Variants in GAREM1 observed in about 807,000 individuals in gnomAD.
GAREM1 encodes GRB2-associated and regulator of MAPK protein 1.
In GAREM1, 26 loss-of-function variants were observed where a neutral mutation model predicts 71.3. That is an observed-to-expected ratio of 0.36 (90% CI 0.27 to 0.51). The LOEUF is 0.51. GAREM1 is among the 20% of genes least tolerant of loss of function. GAREM1 has a pLI of 0.95. For synonymous variants in GAREM1, 440 were observed against 433.2 expected (o/e 1.02, Z -0.20); for missense variants, 1,026 against 1,103.1 (o/e 0.93, Z 0.99).
intron 2 of GAREM1, among the ~76,000 whole-genome samples, chr18:32,361,485 T>G (rs961473513): frequency 1.3e-5 from 2 of 152,232 alleles, no homozygotes; most frequent in Non-Finnish European, 2.9e-5. Context: ...CTGGATCTTA[T>G]TAACAATTTA....
chr18:32,275,125 ACCACCACCAACT>A (rs1018049318), intron 4 of GAREM1, among the ~76,000 whole-genome samples: 1 of 152,166 alleles, frequency 6.6e-6, no homozygotes, highest in African/African-American at 2.4e-5. Context: ...GCCACATATG[ACCACCACCAACT>A]CTACCACCAC....
intron 1 of GAREM1, among the ~76,000 whole-genome samples, chr18:32,416,292 A>G (rs1355937577): frequency 2.0e-5 from 3 of 152,132 alleles, no homozygotes; most frequent in Non-Finnish European, 4.4e-5. Context: ...TGCCCATATT[A>G]CTCAAAGCAA....
rs140841598 is a variant in GAREM1 at position 32,379,011 on chromosome 18, G to T, written c.262+13884C>A. 2.6e-5 allele frequency among the ~76,000 whole-genome samples: 4 copies of T among 152,248 alleles called. No homozygotes were observed. The South Asian group carries it at 8.3e-4, about 32-fold the overall frequency. Reference sequence around the variant, plus strand: ...CCTGGCCTCCTGAGGCAGGCTGTACGTTGAGTGCTTAGCTCTCCAACTGGG... The same window carrying T: ...CCTGGCCTCCTGAGGCAGGCTGTACTTTGAGTGCTTAGCTCTCCAACTGGG... On this transcript the variant is annotated intron_variant, in intron 2 of 5. Transcript: ENST00000269209.
At chr18:32,348,561 T>C (rs1285857907) in intron 2 of GAREM1, among the ~76,000 whole-genome samples, 2 of 152,062 alleles carry the variant, frequency 1.3e-5, no homozygotes, top group Non-Finnish European at 2.9e-5. Context: ...CCATCTCTAC[T>C]AAAAATACGA....
chr18:32,392,203 G>GT lies in GAREM1; in HGVS notation c.262+691dup, dbSNP rs35687173. ...CCGGAAAAAGCATATGGTAACATAA[G>GT]TTTTTTTTTTTAATGGCATTTATAA... On this transcript the variant is annotated intron_variant, in intron 2 of 5. Coordinates refer to ENST00000269209, the MANE Select transcript of GAREM1 (RefSeq NM_001242409.2). 9.8e-3 allele frequency among the ~76,000 whole-genome samples: 1,441 copies of GT among 146,902 alleles called. 14 individuals carry two copies. Among genetic ancestry groups the GT allele is most frequent in the African/African-American group, 0.03 (1,218 of 40,448 alleles).
intron 1 of GAREM1, among the ~76,000 whole-genome samples, chr18:32,455,372 GAC>G (rs1330628033): frequency 6.6e-6 from 1 of 152,124 alleles, no homozygotes; most frequent in African/African-American, 2.4e-5. Flanking sequence ...CAAAGAAAGA[GAC>G]ACACATACAT....
chr18:32,314,127 C>T (rs906682546), intron 2 of GAREM1, among the ~76,000 whole-genome samples: 12 of 147,882 alleles, frequency 8.1e-5, no homozygotes, highest in African/African-American at 2.8e-4. Context: ...TTCAAAATAA[C>T]ACTTATTTAA....
chr18:32,444,831 G>A (rs2048771525), intron 1 of GAREM1, among the ~76,000 whole-genome samples: 2 of 152,278 alleles, frequency 1.3e-5, no homozygotes, highest in African/African-American at 2.4e-5. Flanking sequence ...CCTAAGGCAC[G>A]AACATTTAAG....
At chr18:32,268,839 T>C (rs181736869) in intron 5 of GAREM1, 71 bp from the exon 6 acceptor site, 1,657 of 1,292,234 alleles carry the variant, frequency 1.3e-3, no homozygotes, top group Non-Finnish European at 1.5e-3. Context: ...TTGTTATTTA[T>C]AGACGTTACT....
intron 1 of GAREM1, among the ~76,000 whole-genome samples, chr18:32,413,779 A>G (rs982787889): frequency 3.9e-5 from 6 of 152,154 alleles, no homozygotes; most frequent in East Asian, 3.8e-4. Context: ...AGGAAAAAAA[A>G]CCCACCAAAA....
chr18:32,414,602 A>T (rs1194380857), intron 1 of GAREM1, among the ~76,000 whole-genome samples: 2 of 152,122 alleles, frequency 1.3e-5, no homozygotes, highest in African/African-American at 2.4e-5. Flanking sequence ...AAATGAAACA[A>T]CATGCTCCTG....
At chr18:32,443,453 C>T (rs959577397) in intron 1 of GAREM1, among the ~76,000 whole-genome samples, 1 of 152,014 alleles carries the variant, frequency 6.6e-6, no homozygotes, top group African/African-American at 2.4e-5. Context: ...TGAAAAGTAA[C>T]CCAATTTAAA....
chr18:32,314,851 T>C (rs551948449), intron 2 of GAREM1, among the ~76,000 whole-genome samples: 5 of 152,226 alleles, frequency 3.3e-5, no homozygotes, highest in South Asian at 4.1e-4. Context: ...CCTCCCAAAG[T>C]GCTGGGATTA....
chr18:32,277,450 A>G (rs887259774), intron 4 of GAREM1, among the ~76,000 whole-genome samples: 1 of 152,206 alleles, frequency 6.6e-6, no homozygotes, highest in Non-Finnish European at 1.5e-5. Context: ...ATAAAGCTAG[A>G]AAAATAAATT....
intron 2 of GAREM1, among the ~76,000 whole-genome samples, chr18:32,333,483 G>A (rs1420897010): frequency 2.6e-5 from 4 of 152,152 alleles, no homozygotes; most frequent in Middle Eastern, 3.2e-3. Flanking sequence ...AAGTTTCAAG[G>A]GCAAGTGCCA....
At chr18:32,270,072 C>G (rs1234825004) in intron 5 of GAREM1, 145 bp downstream of exon 5, 1 of 877,880 alleles carries the variant, frequency 1.1e-6, no homozygotes, top group Non-Finnish European at 1.8e-6. Context: ...ATCATGCTCA[C>G]TCAGTAAAAT....
At position 32,267,932 on chromosome 18, in the gene GAREM1, A is replaced by C. The variant is rs768448120; in HGVS notation, c.2570T>G (p.Leu857Trp). 1 of 1,613,984 alleles carries C rather than the reference A, an allele frequency of 6.2e-7. No homozygotes were observed. The highest frequency in any genetic ancestry group is 1.7e-5 in the Admixed American group (1 of 60,012). Residue 857 changes from leucine (L) to tryptophan (W), a missense_variant, in exon 6 of 6, where the codon TTG becomes TGG. Physicochemically the swap from Leu to Trp is moderately conservative, Grantham distance 61. This residue lies in a region of GAREM1 where 636 missense variants were observed against 631.2 expected (regional missense o/e 1.01). Coordinates refer to ENST00000269209, the MANE Select transcript of GAREM1 (RefSeq NM_001242409.2). ...TEEILSEDFK[L>W]SKLQVKKIMQ... ...TATCTTCTTCACCTGCAATTTGCTC[A>C]ATTTGAAATCCTCTGAGAGGATTTC...
rs754371424 is a variant in GAREM1, at chr18:32,287,487, A to T, written c.1110T>A (p.Asn370Lys). The T allele has an allele frequency of 3.7e-6, 6 of 1,614,082 alleles. No individual in the cohort carries two copies. The highest frequency in any genetic ancestry group is 2.2e-5 in the South Asian group (2 of 91,082). The change falls in exon 4 of 6, where the codon AAT (asparagine) becomes AAA (lysine). Residue 370 changes from asparagine (N) to lysine (K), a missense_variant. Transcript: ENST00000269209. This position sits in a 1 kb window ranked among gnomAD's most constrained non-coding sequence, Gnocchi z 5.9. The part of the protein sequence containing the change: ...GRCSGHNHVP[N>K]SLSYARDELT... ...GCTCATCGCGGGCGTAGCTGAGCGA[A>T]TTGGGCACGTGGTTGTGGCCAGAGC...
At chr18:32,352,115 G>C (rs1214966813) in intron 2 of GAREM1, among the ~76,000 whole-genome samples, 1 of 152,052 alleles carries the variant, frequency 6.6e-6, no homozygotes, top group Non-Finnish European at 1.5e-5. Context: ...AGCCACTACA[G>C]GATACACCAT....
Sources: allele counts gnomAD v4.1 joint callset (sites outside exome capture counted in the v4.1 genomes callset), GRCh38; gene constraint gnomAD v4.1.1; regional missense constraint gnomAD v4.1.1; non-coding constraint Gnocchi (gnomAD v3.1); transcripts MANE v1.5; gene names NCBI Gene and HGNC (gene_info 2026-07-23, HGNC 2026-07-21).